Variants in GPC6 observed in about 807,000 individuals in gnomAD.
GPC6 encodes the protein glypican-6.
Under a neutral mutation model 55.2 loss-of-function variants are expected in GPC6, and 14 were observed. The ratio of observed to expected loss-of-function variants is 0.25; its 90% confidence interval spans 0.17 to 0.40. The LOEUF is 0.40. Ranked by LOEUF, GPC6 falls within the 10% of genes least tolerant of loss-of-function variation. The pLI, the probability that GPC6 is intolerant of heterozygous loss-of-function variation, is 1.00. For synonymous variants in GPC6, 278 were observed against 259.6 expected (o/e 1.07, Z -0.68); for missense variants, 641 against 708.5 (o/e 0.90, Z 1.08).
chr13:94,155,782 C>T (rs1025913678), intron 4 of GPC6, among the ~76,000 whole-genome samples: 2 of 152,270 alleles, frequency 1.3e-5, no homozygotes, highest in African/African-American at 2.4e-5. Context: ...CATAGACATT[C>T]GCCACCTGTC....
intron 4 of GPC6, among the ~76,000 whole-genome samples, chr13:94,219,968 GT>G (rs1429444118): frequency 6.6e-6 from 1 of 152,182 alleles, no homozygotes; most frequent in South Asian, 2.1e-4. Context: ...AGAAGTCAAA[GT>G]TTTTTCCATT....
chr13:94,113,930 G>A (rs933286280), intron 4 of GPC6, among the ~76,000 whole-genome samples: 1 of 148,888 alleles, frequency 6.7e-6, no homozygotes, highest in African/African-American at 2.5e-5. Flanking sequence ...GCTGAGGCAC[G>A]AGAATCACTT....
At chr13:94,324,790 A>AT (rs1277383670) in intron 6 of GPC6, among the ~76,000 whole-genome samples, 1 of 152,116 alleles carries the variant, frequency 6.6e-6, no homozygotes, top group Non-Finnish European at 1.5e-5. Flanking sequence ...ATTGAAGCAG[A>AT]ATCTGTGTGG....
chr13:93,453,090 C>A (rs7317616), intron 1 of GPC6, among the ~76,000 whole-genome samples: 5 of 152,024 alleles, frequency 3.3e-5, no homozygotes, highest in African/African-American at 4.8e-5. Flanking sequence ...ATCCATGGAG[C>A]CTTCAAAACA....
chr13:94,126,691 A>T (rs1886830283), intron 4 of GPC6, among the ~76,000 whole-genome samples: 1 of 152,008 alleles, frequency 6.6e-6, no homozygotes, highest in African/African-American at 2.4e-5. Context: ...GTACAAAAAA[A>T]TCAAATATTA....
At chr13:93,380,737 A>G (rs12856377) in intron 1 of GPC6, among the ~76,000 whole-genome samples, 6,164 of 152,196 alleles carry the variant, frequency 0.041, 172 homozygotes, top group Non-Finnish European at 0.057. Context: ...ACTCTGCACT[A>G]TATGCCTCTA....
intron 3 of GPC6, among the ~76,000 whole-genome samples, chr13:93,857,688 C>A (rs560649513): frequency 6.6e-6 from 1 of 151,536 alleles, no homozygotes; most frequent in African/African-American, 2.4e-5. Flanking sequence ...TTTCTGAACA[C>A]ATTGTTTTCA....
Position 93,993,932 on chromosome 13 carries a change from C to T in GPC6, c.712-33797C>T, listed in dbSNP as rs74109178. Among the ~76,000 whole-genome samples, 1,097 of 152,260 alleles carry T rather than the reference C, an allele frequency of 7.2e-3. 20 individuals carry two copies. Among genetic ancestry groups the T allele is most frequent in the African/African-American group, 0.024 (985 of 41,560 alleles). On this transcript the variant is annotated intron_variant, in intron 3 of 8. Coordinates refer to ENST00000377047, the MANE Select transcript of GPC6 (RefSeq NM_005708.5). ...GGGAATATTTATATTTTCCTGAATA[C>T]TGAGTAAATCCAAAGGAGATAAGCC... is the stretch of plus-strand genomic sequence containing the variant.
rs543088957 is a variant in GPC6, at chr13:94,302,346, G to A, written c.1009-3634G>A. Reference sequence around the variant, plus strand: ...CTCACATGAGACAAGGGTGCTGTCCGGATCATTTGTTGTTGTTTTTTTAAT... The same window carrying A: ...CTCACATGAGACAAGGGTGCTGTCCAGATCATTTGTTGTTGTTTTTTTAAT... On this transcript the variant is annotated intron_variant, in intron 5 of 8. Coordinates refer to ENST00000377047, the MANE Select transcript of GPC6 (RefSeq NM_005708.5). Among the ~76,000 whole-genome samples, 4 of 152,190 alleles carry A rather than the reference G, an allele frequency of 2.6e-5. No individual in the cohort carries two copies. In the East Asian group the frequency reaches 7.8e-4, roughly 29 times the overall value.
intron 3 of GPC6, among the ~76,000 whole-genome samples, chr13:93,919,093 T>C (rs1877437527): frequency 1.3e-5 from 2 of 152,068 alleles, no homozygotes; most frequent in South Asian, 2.1e-4. Flanking sequence ...GAGATCTGGT[T>C]GTCTAAAAAG....
chr13:93,929,426 T>C (rs541345446), intron 3 of GPC6, among the ~76,000 whole-genome samples: 4 of 152,360 alleles, frequency 2.6e-5, no homozygotes, highest in African/African-American at 9.6e-5. Context: ...AAGTGGCGTA[T>C]ATCATCAGTT....
chr13:93,744,629 T>A (rs1884331278), intron 2 of GPC6, among the ~76,000 whole-genome samples: 1 of 145,454 alleles, frequency 6.9e-6, no homozygotes, highest in African/African-American at 2.6e-5. Context: ...TCAAGCACTG[T>A]CAAATTTTGT....
At chr13:94,272,463 C>CTTTTTTTTTTTTTTTTTTTTTTTTTTTTT (rs555664508) in intron 4 of GPC6, among the ~76,000 whole-genome samples, 17 of 85,738 alleles carry the variant, frequency 2.0e-4, no homozygotes, top group East Asian at 6.2e-4. Flanking sequence ...CTTTTCTTTT[C>CTTTTTTTTTTTTTTTTTTTTTTTTTTTTT]TTTTTTTTTT....
chr13:93,648,556 C>T (rs983176115), intron 2 of GPC6, among the ~76,000 whole-genome samples: 19 of 152,138 alleles, frequency 1.2e-4, no homozygotes, highest in African/African-American at 4.6e-4. Flanking sequence ...TAAACACTGA[C>T]GATCTGACAT....
At chr13:93,289,827 A>G (rs1878260552) in intron 1 of GPC6, among the ~76,000 whole-genome samples, 1 of 152,200 alleles carries the variant, frequency 6.6e-6, no homozygotes, top group Non-Finnish European at 1.5e-5. Context: ...CAGTCTGAAA[A>G]TAAATATTGA....
At chr13:94,368,900 G>T (rs1200071475) in intron 6 of GPC6, among the ~76,000 whole-genome samples, 1 of 152,162 alleles carries the variant, frequency 6.6e-6, no homozygotes, top group Non-Finnish European at 1.5e-5. Flanking sequence ...TCCAAAACTG[G>T]ATTATATTAA....
At chr13:94,124,242 A>G (rs1886732485) in intron 4 of GPC6, among the ~76,000 whole-genome samples, 1 of 152,084 alleles carries the variant, frequency 6.6e-6, no homozygotes, top group Admixed American at 6.6e-5. Context: ...CTTACATGCC[A>G]TTCAAATTGT....
At chr13:94,072,455 G>A (rs1884768858) in intron 4 of GPC6, among the ~76,000 whole-genome samples, 1 of 152,128 alleles carries the variant, frequency 6.6e-6, no homozygotes, top group South Asian at 2.1e-4. Context: ...CCGGGTTCAA[G>A]CAATTCTTCT....
chr13:93,271,885 A>C (rs950842175), intron 1 of GPC6, among the ~76,000 whole-genome samples: 2 of 152,208 alleles, frequency 1.3e-5, no homozygotes, highest in African/African-American at 4.8e-5. Context: ...TTTCAGAATA[A>C]AGAACCAAGA....
Sources: allele counts gnomAD v4.1 joint callset (sites outside exome capture counted in the v4.1 genomes callset), GRCh38; gene constraint gnomAD v4.1.1; transcripts MANE v1.5; gene names NCBI Gene and HGNC (gene_info 2026-07-23, HGNC 2026-07-21).